Variants in STARD7 observed in about 807,000 individuals in gnomAD.
STARD7 encodes the protein StAR related lipid transfer domain containing 7, also known as stAR-related lipid transfer protein 7, mitochondrial.
STARD7 carries 30 observed loss-of-function variants against 45.3 expected under a neutral mutation model. That is an observed-to-expected ratio of 0.66 (90% CI 0.50 to 0.90). The LOEUF is 0.90. STARD7 is among the 40% of genes least tolerant of loss of function. The pLI is 0.00. For missense variants in STARD7, 495 were observed against 491.3 expected (o/e 1.01, Z -0.07); for synonymous variants, 199 against 183.0 (o/e 1.09, Z -0.70).
intron 1 of STARD7, among the ~76,000 whole-genome samples, chr2:96,206,795 C>T (rs1255156085): frequency 2.5e-5 from 3 of 120,322 alleles, no homozygotes; most frequent in Admixed American, 1.0e-4. Context: ...AGCGAGACTC[C>T]GTCTCAAAAA....
chr2:96,196,121 AAAAAAAAAC>A (rs1318774872), intron 1 of STARD7, among the ~76,000 whole-genome samples: 1 of 150,760 alleles, frequency 6.6e-6, no homozygotes, highest in East Asian at 1.9e-4. Flanking sequence ...CTCAAAAAAA[AAAAAAAAAC>A]AAAAAACAAA....
chr2:96,185,659 T>C lies in STARD7; in HGVS notation c.*1071A>G, dbSNP rs920929666. The stretch of plus-strand genomic sequence containing the variant: ...TATTAGTATTTGAGACAAGATTACA[T>C]CTATGCATTCACACAGCTTGTCTGT... On this transcript the variant is annotated 3_prime_UTR_variant, in exon 8 of 8. Coordinates refer to ENST00000337288, the MANE Select transcript of STARD7 (RefSeq NM_020151.4). The C allele has an allele frequency of 2.0e-5, 3 of 152,212 alleles. No individual in the cohort carries two copies. Among genetic ancestry groups the C allele is most frequent in the Admixed American group, 6.5e-5 (1 of 15,280 alleles). 9.4% of individuals were successfully genotyped at this position (152,212 alleles called of 1,614,324 possible).
intron 1 of STARD7, among the ~76,000 whole-genome samples, chr2:96,202,636 G>A (rs1683324721): frequency 6.6e-6 from 1 of 152,160 alleles, no homozygotes; most frequent in Non-Finnish European, 1.5e-5. Context: ...CAACTCTTGA[G>A]TGTCATTCTT....
Position 96,193,172 on chromosome 2 carries a change from G to A in STARD7, c.661-12C>T, listed in dbSNP as rs775549804. On this transcript the variant is annotated splice_polypyrimidine_tract_variant and intron_variant, in intron 4 of 7. Coordinates refer to ENST00000337288, the MANE Select transcript of STARD7 (RefSeq NM_020151.4). ...GAGTACATTGGATACTAAAGAAATG[G>A]AGGAGCAGGATTAGTGTTCTGCATC... 1 of 1,605,800 alleles carries A rather than the reference G, an allele frequency of 6.2e-7. No homozygotes were observed. The highest frequency in any genetic ancestry group is 2.2e-5 in the East Asian group (1 of 44,838).
At chr2:96,188,694 GC>G (rs1162642100) in intron 6 of STARD7, among the ~76,000 whole-genome samples, 13 of 151,514 alleles carry the variant, frequency 8.6e-5, no homozygotes, top group African/African-American at 3.1e-4. Flanking sequence ...GACCACCCTG[GC>G]CAACATGGCA....
At position 96,208,467 on chromosome 2, in the gene STARD7, G is replaced by C. The variant is rs1193409248; in HGVS notation, c.-33C>G. On this transcript the variant is annotated 5_prime_UTR_variant, in exon 1 of 8. Coordinates refer to ENST00000337288, the MANE Select transcript of STARD7 (RefSeq NM_020151.4). The stretch of plus-strand genomic sequence containing the variant: ...CCCGCAGGGCCCGCCGCGAGCTTCC[G>C]GGGCCCAAGGAACCAGTCCGGAGGG... 6 of 1,358,806 alleles carry C rather than the reference G, an allele frequency of 4.4e-6. No individual in the cohort carries two copies. The highest frequency in any genetic ancestry group is 5.6e-6 in the Non-Finnish European group (6 of 1,065,644). 84.2% of individuals were successfully genotyped at this position (1,358,806 alleles called of 1,614,324 possible).
At chr2:96,196,784 T>C (rs1000286581) in intron 1 of STARD7, among the ~76,000 whole-genome samples, 1 of 151,826 alleles carries the variant, frequency 6.6e-6, no homozygotes, top group Non-Finnish European at 1.5e-5. Context: ...AAAAATAAAA[T>C]AGGCTAGGCG....
rs556059550 is a variant in STARD7, at chr2:96,195,676, G to A, written c.291-127C>T. 307 of 654,126 alleles carry A rather than the reference G, an allele frequency of 4.7e-4. 5 individuals carry two copies. In the South Asian group the frequency reaches 4.8e-3, roughly 10 times the overall value. 40.5% of individuals were successfully genotyped at this position (654,126 alleles called of 1,614,324 possible). ...GTATGTAGTATATAAACAGGACACA[G>A]TATAGTCAATAAAAACTGAGTTCCT... On this transcript the variant is annotated intron_variant, in intron 1 of 7. Coordinates refer to ENST00000337288, the MANE Select transcript of STARD7 (RefSeq NM_020151.4).
chr2:96,205,799 T>C (rs1054650934), intron 1 of STARD7, among the ~76,000 whole-genome samples: 1 of 152,188 alleles, frequency 6.6e-6, no homozygotes, highest in Non-Finnish European at 1.5e-5. Context: ...AGTTGTTGAA[T>C]AGCATATTTG....
intron 1 of STARD7, among the ~76,000 whole-genome samples, chr2:96,206,452 G>A (rs1683390706): frequency 1.3e-5 from 2 of 152,118 alleles, no homozygotes; most frequent in South Asian, 4.2e-4. Context: ...TGTGGAACAA[G>A]GATATTTCAT....
intron 2 of STARD7, 21 bp from the exon 3 acceptor site, chr2:96,195,028 A>G: frequency 3.8e-6 from 6 of 1,595,656 alleles, no homozygotes; most frequent in Non-Finnish European, 5.1e-6. Context: ...AAGAAAGAAT[A>G]AGGGATGCTG....
At position 96,193,343 on chromosome 2, in the gene STARD7, C is replaced by G; in HGVS notation, c.559G>C (p.Glu187Gln). 6.2e-7 allele frequency: 1 copy of G among 1,607,658 alleles called. No homozygotes were observed. Among genetic ancestry groups the G allele is most frequent in the Non-Finnish European group, 8.5e-7 (1 of 1,174,162 alleles). ...AGGGCATCCCATTTTTTTCTATACT[C>G]TGTGTCCAGCTGCAGAAAGAGAAAA... ...RQFFNVQLDTEYRKKWDALVI... is the reference protein window; with the variant it reads ...RQFFNVQLDTQYRKKWDALVI... Residue 187 changes from glutamate to glutamine, a missense_variant, in exon 4 of 8, where the codon GAG (glutamate) becomes CAG (glutamine). Physicochemically the swap from Glu to Gln is conservative, Grantham distance 29. Around this residue, in one of 2 missense-constraint regions of STARD7, gnomAD observed 213 missense variants for 271.2 expected, o/e 0.79. Coordinates refer to ENST00000337288, the MANE Select transcript of STARD7 (RefSeq NM_020151.4).
intron 6 of STARD7, among the ~76,000 whole-genome samples, chr2:96,190,882 G>A (rs1683115946): frequency 6.6e-6 from 1 of 151,950 alleles, no homozygotes; most frequent in Non-Finnish European, 1.5e-5. Flanking sequence ...TTCTTACTTG[G>A]GCTGGGCACA....
At chr2:96,202,101 C>T (rs1434257858) in intron 1 of STARD7, among the ~76,000 whole-genome samples, 3 of 152,150 alleles carry the variant, frequency 2.0e-5, no homozygotes, top group Non-Finnish European at 4.4e-5. Flanking sequence ...AAATCCCTTT[C>T]TATTTGGAAA....
rs1382365473 is a variant in STARD7, at chr2:96,193,448, A to C, written c.550-96T>G. On this transcript the variant is annotated intron_variant, in intron 3 of 7. Transcript: ENST00000337288. ...CTTTGGTCTCTGATCCAAGAATCTTATTACAAGGAGAGAGTAATCTGACCT... is the reference window on the plus strand; with the variant it reads ...CTTTGGTCTCTGATCCAAGAATCTTCTTACAAGGAGAGAGTAATCTGACCT... 5.0e-6 allele frequency: 4 copies of C among 806,338 alleles called. No individual in the cohort carries two copies. The South Asian group carries it at 5.7e-5, about 12-fold the overall frequency. 49.9% of individuals were successfully genotyped at this position (806,338 alleles called of 1,614,324 possible). A position where few individuals can be genotyped will look rare whatever the true frequency, so the allele number is the denominator to read the frequency against.
chr2:96,190,091 T>G (rs941969370), intron 6 of STARD7, among the ~76,000 whole-genome samples: 1 of 152,166 alleles, frequency 6.6e-6, no homozygotes, highest in East Asian at 1.9e-4. Flanking sequence ...ATTGTGGTAT[T>G]TAAATGCCAT....
intron 1 of STARD7, among the ~76,000 whole-genome samples, chr2:96,202,412 C>G (rs1348218104): frequency 6.6e-6 from 1 of 152,102 alleles, no homozygotes; most frequent in African/African-American, 2.4e-5. Flanking sequence ...TTAAATTAAC[C>G]AAGACCAGTT....
intron 1 of STARD7, among the ~76,000 whole-genome samples, chr2:96,197,216 G>A (rs1303085184): frequency 1.3e-5 from 2 of 151,608 alleles, no homozygotes; most frequent in African/African-American, 4.8e-5. Flanking sequence ...ACCGGCCTGG[G>A]AAACATGGTG....
chr2:96,196,450 ACT>A (rs1226108138), intron 1 of STARD7, among the ~76,000 whole-genome samples: 2 of 151,724 alleles, frequency 1.3e-5, no homozygotes, highest in Non-Finnish European at 1.5e-5. Flanking sequence ...ATACAGTAAG[ACT>A]CTGTCTCTTT....
Sources: gnomAD v4.1 joint callset for allele counts (sites outside exome capture counted in the v4.1 genomes callset) on GRCh38, gnomAD v4.1.1 for gene constraint, gnomAD v4.1.1 regional missense constraint, MANE v1.5 for transcripts, NCBI Gene and HGNC (gene_info 2026-07-23, HGNC 2026-07-21) for gene names.